ANKS1B: variants seen among roughly 807,000 people sequenced by gnomAD.
The protein encoded by ANKS1B is ankyrin repeat and sterile alpha motif domain containing 1B, also known as ankyrin repeat and sterile alpha motif domain-containing protein 1B.
In ANKS1B, 36 loss-of-function variants were observed where a neutral mutation model predicts 148.3. The observed-to-expected ratio is 0.24, with a 90% CI of 0.19 to 0.32. ANKS1B has a LOEUF of 0.32. ANKS1B is among the 10% of genes least tolerant of loss of function. ANKS1B has a pLI of 1.00. For missense variants in ANKS1B, 1,157 were observed against 1,542.6 expected, an observed-to-expected ratio of 0.75 and a Z score of 4.19; for synonymous variants, 542 against 560.8, an observed-to-expected ratio of 0.97 and a Z score of 0.47.
chr12:99,503,252 C>A (rs1453626889), intron 10 of ANKS1B, among the ~76,000 whole-genome samples: 4 of 152,196 alleles, frequency 2.6e-5, no homozygotes, highest in African/African-American at 4.8e-5. Context: ...TAGGCATGAG[C>A]CATCGCTCCT....
At chr12:98,876,887 A>G (rs1596041479) in intron 17 of ANKS1B, among the ~76,000 whole-genome samples, 1 of 152,376 alleles carries the variant, frequency 6.6e-6, no homozygotes, top group East Asian at 1.9e-4. Context: ...AAGCACTGTG[A>G]AAAGCCAAAA....
At chr12:98,987,156 A>T (rs1161327031) in intron 17 of ANKS1B, among the ~76,000 whole-genome samples, 1 of 151,876 alleles carries the variant, frequency 6.6e-6, no homozygotes, top group Non-Finnish European at 1.5e-5. Context: ...TGTGTCAAGT[A>T]AACATTCAGA....
At chr12:99,735,807 C>CAAAAAAAAAAAAAAAAAAA (rs376398944) in intron 8 of ANKS1B, among the ~76,000 whole-genome samples, 1 of 108,956 alleles carries the variant, frequency 9.2e-6, no homozygotes, top group Admixed American at 9.9e-5. Context: ...GGACATATAC[C>CAAAAAAAAAAAAAAAAAAA]AAAAAAAAAA....
Position 98,829,169 on chromosome 12 carries a change from C to T in ANKS1B, c.3066+5G>A, listed in dbSNP as rs757737818. Reference sequence around the variant, plus strand: ...AAAATATCACAAAGGCTTATAACACCTTACCTGAGCCATCTGCCTCTCCAG... The same window carrying T: ...AAAATATCACAAAGGCTTATAACACTTTACCTGAGCCATCTGCCTCTCCAG... On this transcript the variant is annotated splice_donor_5th_base_variant and intron_variant, in intron 19 of 26. Coordinates refer to ENST00000683438, the MANE Select transcript of ANKS1B (RefSeq NM_001352186.2). The surrounding 1 kb of genome is among the most constrained non-coding windows in gnomAD (Gnocchi z 5.2). 6.2e-7 allele frequency: 1 copy of T among 1,613,970 alleles called. No homozygotes were observed. Among genetic ancestry groups the T allele is most frequent in the Non-Finnish European group, 8.5e-7 (1 of 1,179,860 alleles).
At chr12:99,779,153 C>T (rs1038633918) in intron 6 of ANKS1B, among the ~76,000 whole-genome samples, 1 of 152,154 alleles carries the variant, frequency 6.6e-6, no homozygotes, top group African/African-American at 2.4e-5. Context: ...GAGAAGTATG[C>T]AAGCTGCAAA....
At chr12:99,640,053 T>C (rs1236037374) in intron 9 of ANKS1B, among the ~76,000 whole-genome samples, 1 of 152,010 alleles carries the variant, frequency 6.6e-6, no homozygotes, top group Non-Finnish European at 1.5e-5. Flanking sequence ...GCACCTATCA[T>C]CCCAGCTACT....
At chr12:99,260,745 A>G (rs969190687) in intron 12 of ANKS1B, among the ~76,000 whole-genome samples, 3 of 152,208 alleles carry the variant, frequency 2.0e-5, no homozygotes, top group African/African-American at 7.2e-5. Flanking sequence ...AAATGTATGT[A>G]AAATGGCTTA....
rs762780119 is a variant in ANKS1B, at chr12:98,745,844, G to T, written c.3753C>A (p.Ile1251=). The T allele has an allele frequency of 1.2e-6, 2 of 1,612,756 alleles. No homozygotes were observed. Among genetic ancestry groups the T allele is most frequent in the Non-Finnish European group, 8.5e-7 (1 of 1,179,330 alleles). ...PRVSIRKSVQ[I]DPSEQKTLAN... Reference sequence around the variant, plus strand: ...CCAGAGTCTTTTGCTCAGATGGGTCGATCTGCTTTAAAACAGAAAGGCTGA... The same window carrying T: ...CCAGAGTCTTTTGCTCAGATGGGTCTATCTGCTTTAAAACAGAAAGGCTGA... The change falls in exon 27 of 27, where the codon ATC becomes ATA. Residue 1251 remains isoleucine, a synonymous_variant. Transcript: ENST00000683438.
At chr12:99,041,063 T>C (rs2153490468) in intron 17 of ANKS1B, among the ~76,000 whole-genome samples, 1 of 152,350 alleles carries the variant, frequency 6.6e-6, no homozygotes, top group Admixed American at 6.5e-5. Flanking sequence ...GGCAGCCATC[T>C]ACTTTGAGTC....
chr12:99,477,229 A>G (rs2096338952), intron 10 of ANKS1B, among the ~76,000 whole-genome samples: 1 of 152,190 alleles, frequency 6.6e-6, no homozygotes, highest in South Asian at 2.1e-4. Context: ...AAAGCGGATC[A>G]CTGGCAGTTA....
At chr12:99,794,460 T>TAC (rs148663206) in intron 4 of ANKS1B, among the ~76,000 whole-genome samples, 3,891 of 143,636 alleles carry the variant, frequency 0.027, 98 homozygotes, top group African/African-American at 0.055. Flanking sequence ...GAAAATGTGG[T>TAC]ACACACACAC....
At chr12:99,891,435 G>C (rs1435755857) in intron 1 of ANKS1B, among the ~76,000 whole-genome samples, 1 of 152,028 alleles carries the variant, frequency 6.6e-6, no homozygotes, top group African/African-American at 2.4e-5. Context: ...GCCCAGGCTG[G>C]TCTTGAACTC....
intron 9 of ANKS1B, among the ~76,000 whole-genome samples, chr12:99,560,287 T>C (rs2097319425): frequency 2.0e-5 from 3 of 152,196 alleles, no homozygotes; most frequent in African/African-American, 7.2e-5. Flanking sequence ...TAATGTTCAC[T>C]TGAGTGTCTG....
chr12:98,792,647 C>T (rs1237191299), intron 22 of ANKS1B, among the ~76,000 whole-genome samples: 1 of 152,138 alleles, frequency 6.6e-6, no homozygotes, highest in East Asian at 1.9e-4. Flanking sequence ...CTGTTCTATT[C>T]TCTACTTGTA....
At chr12:99,398,337 G>A (rs2094310237) in intron 12 of ANKS1B, among the ~76,000 whole-genome samples, 1 of 152,040 alleles carries the variant, frequency 6.6e-6, no homozygotes, top group Non-Finnish European at 1.5e-5. Flanking sequence ...TCCGATTAAA[G>A]GACTTAAGTA....
chr12:99,526,873 A>G lies in ANKS1B; in HGVS notation c.1273-22232T>C, dbSNP rs916775538. On this transcript the variant is annotated intron_variant, in intron 9 of 26. Coordinates refer to ENST00000683438, the MANE Select transcript of ANKS1B (RefSeq NM_001352186.2). Reference sequence around the variant, plus strand: ...TAGAAATAGGGTCACTGCAGATGCAATTAGTTAAATGGAGATGAGGTTATT... The same window carrying G: ...TAGAAATAGGGTCACTGCAGATGCAGTTAGTTAAATGGAGATGAGGTTATT... 8.5e-5 allele frequency among the ~76,000 whole-genome samples: 13 copies of G among 152,210 alleles called. 1 individual carries two copies. In the South Asian group the frequency reaches 1.9e-3, roughly 22 times the overall value.
rs770421504 is a variant in ANKS1B at position 99,443,774 on chromosome 12, T to C, written c.1474A>G (p.Thr492Ala). 16 of 1,611,464 alleles carry C rather than the reference T, an allele frequency of 9.9e-6. No homozygotes were observed. The highest frequency in any genetic ancestry group is 2.7e-5 in the African/African-American group (2 of 74,722). Residue 492 changes from threonine to alanine, a missense_variant, in exon 11 of 27, where the codon ACT (threonine) becomes GCT (alanine). Physicochemically the swap from Thr to Ala is moderately conservative, Grantham distance 58. Around this residue, in one of 6 missense-constraint regions of ANKS1B, gnomAD observed 661 missense variants for 642.1 expected, o/e 1.03. Transcript: ENST00000683438. ...ASEVAVTTPG[T>A]SNHRNSSTGP... Reference sequence around the variant, plus strand: ...GTTGAGCTGTTTCTATGGTTACTAGTTCCTGGAGTAGTAACTGCTACCTCA... The same window carrying C: ...GTTGAGCTGTTTCTATGGTTACTAGCTCCTGGAGTAGTAACTGCTACCTCA...
At position 98,954,881 on chromosome 12, in the gene ANKS1B, G is replaced by A. The variant is rs913763636; in HGVS notation, c.2778+98276C>T. Reference sequence around the variant, plus strand: ...ATATTATATAATTTTGTATATACTCGATAATGCTCAGGACATAGAGCTTCA... The same window carrying A: ...ATATTATATAATTTTGTATATACTCAATAATGCTCAGGACATAGAGCTTCA... On this transcript the variant is annotated intron_variant, in intron 17 of 26. Coordinates refer to ENST00000683438, the MANE Select transcript of ANKS1B (RefSeq NM_001352186.2). 1.2e-3 allele frequency among the ~76,000 whole-genome samples: 189 copies of A among 152,190 alleles called. 4 individuals are homozygous for A. Among genetic ancestry groups the A allele is most frequent in the East Asian group, 1.4e-3 (7 of 5,172 alleles).
At chr12:98,767,670 T>A (rs1342118578) in intron 25 of ANKS1B, among the ~76,000 whole-genome samples, 1 of 152,258 alleles carries the variant, frequency 6.6e-6, no homozygotes, top group Non-Finnish European at 1.5e-5. Flanking sequence ...TTTAAAACTA[T>A]TGAATGAGGC....
Sources: allele counts gnomAD v4.1 joint callset (sites outside exome capture counted in the v4.1 genomes callset), GRCh38; gene constraint gnomAD v4.1.1; regional missense constraint gnomAD v4.1.1; non-coding constraint Gnocchi (gnomAD v3.1); transcripts MANE v1.5; gene names NCBI Gene and HGNC (gene_info 2026-07-23, HGNC 2026-07-21).